The following UGGT2 variants were observed in gnomAD, a reference collection of about 807,000 sequenced individuals.
UGGT2 encodes UDP-glucose:glycoprotein glucosyltransferase 2.
In UGGT2, 180 loss-of-function variants were observed where a neutral mutation model predicts 192.1. The observed-to-expected ratio is 0.94, with a 90% CI of 0.83 to 1.06. The LOEUF (loss-of-function observed/expected upper bound fraction) is 1.06. Among genes scored for constraint, UGGT2 ranks in the 50% least tolerant of loss-of-function variants. The pLI, the probability that UGGT2 is intolerant of heterozygous loss-of-function variation, is 0.00. For synonymous variants in UGGT2, 580 were observed against 591.0 expected, an observed-to-expected ratio of 0.98 and a Z score of 0.27; for missense variants, 1,849 against 1,795.7, an observed-to-expected ratio of 1.03 and a Z score of -0.54.
At chr13:95,842,553 C>T (rs1405199071) in intron 36 of UGGT2, among the ~76,000 whole-genome samples, 3 of 152,100 alleles carry the variant, frequency 2.0e-5, no homozygotes, top group Admixed American at 6.6e-5. Context: ...TTCTCTCGTG[C>T]AATTCCTTCT....
At chr13:95,909,552 T>C (rs2048407569) in intron 20 of UGGT2, among the ~76,000 whole-genome samples, 1 of 124,606 alleles carries the variant, frequency 8.0e-6, no homozygotes, top group South Asian at 2.6e-4. Flanking sequence ...AATTGAACAA[T>C]GAGATCACGT....
At chr13:95,854,502 TAA>T (rs1302424225) in intron 34 of UGGT2, 27 bp from the exon 35 acceptor site, 1 of 1,549,590 alleles carries the variant, frequency 6.5e-7, no homozygotes, top group African/African-American at 1.4e-5. Context: ...GACTGTCTGA[TAA>T]AGACTGTAAA....
In UGGT2 at chr13:95,877,818, G is replaced by C. The variant is rs201438290; in HGVS notation, c.3267C>G (p.Tyr1089Ter). The C allele has an allele frequency of 6.2e-7, 1 of 1,613,920 alleles. No individual in the cohort carries two copies. The highest frequency in any genetic ancestry group is 2.2e-5 in the East Asian group (1 of 44,830). Residue 1089 changes from tyrosine to a stop codon, truncating the protein, a stop_gained, in exon 28 of 39, where the codon TAC (tyrosine) becomes TAG (stop). Coordinates refer to ENST00000376747, the MANE Select transcript of UGGT2 (RefSeq NM_020121.4). LOFTEE classifies it high-confidence loss of function. ...KTVTAEYELE[Y>*]LLLEGQCFDK... The stretch of plus-strand genomic sequence containing the variant: ...CAAAGCATTGTCCTTCCAGTAGTAA[G>C]TATTCTAGTTCATATTCTGCTGTAA...
Position 95,914,497 on chromosome 13 carries a change from G to A in UGGT2, c.2295+11183C>T, listed in dbSNP as rs74552217. 3.1e-3 allele frequency among the ~76,000 whole-genome samples: 474 copies of A among 151,730 alleles called. 6 individuals carry two copies. The East Asian group carries it at 0.043, about 14-fold the overall frequency. ...AATAGAATTAAAACTCTAAGTGGGT[G>A]GGCTCAGTGGCTCCTGCCTATAATC... On this transcript the variant is annotated intron_variant, in intron 20 of 38. Coordinates refer to ENST00000376747, the MANE Select transcript of UGGT2 (RefSeq NM_020121.4).
chr13:95,973,159 A>T (rs1313371689), intron 10 of UGGT2, among the ~76,000 whole-genome samples: 2 of 152,112 alleles, frequency 1.3e-5, no homozygotes, highest in East Asian at 3.8e-4. Context: ...AACAAGAACG[A>T]AACTCCATCT....
rs529931415 is a variant in UGGT2 at position 95,934,060 on chromosome 13, G to A, written c.1977+2864C>T. On this transcript the variant is annotated intron_variant, in intron 17 of 38. Coordinates refer to ENST00000376747, the MANE Select transcript of UGGT2 (RefSeq NM_020121.4). The stretch of plus-strand genomic sequence containing the variant: ...CTTTTGCTGCATGCCAGAGATCTTC[G>A]TATGTTGTTTGTTTTCATTTATTTG... 5.3e-5 allele frequency among the ~76,000 whole-genome samples: 8 copies of A among 152,232 alleles called. No homozygotes were observed. In the East Asian group the frequency reaches 7.7e-4, roughly 15 times the overall value.
intron 37 of UGGT2, among the ~76,000 whole-genome samples, chr13:95,834,314 T>C (rs1279491038): frequency 6.6e-6 from 1 of 152,086 alleles, no homozygotes; most frequent in Non-Finnish European, 1.5e-5. Flanking sequence ...CGGGGAGCTT[T>C]GGCAAAGTCT....
At chr13:95,951,429 G>C (rs1257062733) in intron 12 of UGGT2, among the ~76,000 whole-genome samples, 2 of 152,210 alleles carry the variant, frequency 1.3e-5, no homozygotes, top group African/African-American at 4.8e-5. Context: ...AGCCCCAAAG[G>C]GGAAACAGGC....
intron 17 of UGGT2, among the ~76,000 whole-genome samples, chr13:95,930,990 G>T (rs540780968): frequency 6.2e-5 from 9 of 145,434 alleles, no homozygotes; most frequent in African/African-American, 1.9e-4. Context: ...CATGGAAAGG[G>T]ACCCAAGCGG....
At chr13:95,987,038 AC>A (rs1203758363) in intron 8 of UGGT2, among the ~76,000 whole-genome samples, 1 of 152,144 alleles carries the variant, frequency 6.6e-6, no homozygotes, top group Non-Finnish European at 1.5e-5. Context: ...AAGATTTAAA[AC>A]TAAATTCTTT....
chr13:95,817,882 T>C (rs981373172), intron 38 of UGGT2, among the ~76,000 whole-genome samples: 1 of 152,048 alleles, frequency 6.6e-6, no homozygotes, highest in Non-Finnish European at 1.5e-5. Context: ...GAAAACCCAC[T>C]ACTATAGGAA....
intron 29 of UGGT2, among the ~76,000 whole-genome samples, chr13:95,872,423 A>T (rs1318005446): frequency 6.6e-6 from 1 of 152,186 alleles, no homozygotes; most frequent in Non-Finnish European, 1.5e-5. Flanking sequence ...TTTAGCTTAG[A>T]TTTTTAGCAG....
chr13:95,902,680 C>T (rs1375971603), intron 21 of UGGT2, among the ~76,000 whole-genome samples, 174 bp downstream of exon 21: 1 of 151,610 alleles, frequency 6.6e-6, no homozygotes. Context: ...TTACTAAATG[C>T]CTCTGTGCAG....
chr13:96,043,570 G>C (rs2139209401), intron 1 of UGGT2, among the ~76,000 whole-genome samples: 1 of 152,194 alleles, frequency 6.6e-6, no homozygotes, highest in East Asian at 1.9e-4. Context: ...AAAAGATACA[G>C]AACTGCAGAA....
intron 21 of UGGT2, among the ~76,000 whole-genome samples, chr13:95,901,778 G>A (rs1298333860): frequency 6.6e-6 from 1 of 151,934 alleles, no homozygotes; most frequent in Non-Finnish European, 1.5e-5. Context: ...CTGTGGTGTT[G>A]GACCATGTAG....
intron 37 of UGGT2, 65 bp from the exon 38 acceptor site, chr13:95,833,118 T>C (rs534453667): frequency 6.4e-7 from 1 of 1,558,256 alleles, no homozygotes; most frequent in African/African-American, 1.4e-5. Context: ...GACAATGCTG[T>C]GTCACTAGGG....
intron 15 of UGGT2, among the ~76,000 whole-genome samples, chr13:95,946,661 G>A (rs966159375): frequency 2.0e-5 from 3 of 152,116 alleles, no homozygotes; most frequent in Admixed American, 6.5e-5. Context: ...ATGAGCCACT[G>A]TGCCCAGCCT....
At chr13:95,986,857 T>C (rs752213518) in intron 8 of UGGT2, among the ~76,000 whole-genome samples, 8 of 152,270 alleles carry the variant, frequency 5.3e-5, no homozygotes, top group Admixed American at 1.3e-4. Flanking sequence ...AACATTCAAT[T>C]TCTCTTTCAA....
At chr13:95,811,334 C>T (rs1411614421) in intron 38 of UGGT2, among the ~76,000 whole-genome samples, 1 of 152,116 alleles carries the variant, frequency 6.6e-6, no homozygotes, top group Non-Finnish European at 1.5e-5. Flanking sequence ...CAGCATAATG[C>T]TAAGTGAAAT....
Sources: gnomAD v4.1 joint callset for allele counts (sites outside exome capture counted in the v4.1 genomes callset) on GRCh38, gnomAD v4.1.1 for gene constraint, MANE v1.5 for transcripts, NCBI Gene and HGNC (gene_info 2026-07-23, HGNC 2026-07-21) for gene names.